The following LARP4 variants were observed in gnomAD, a reference collection of about 807,000 sequenced individuals.
LARP4 encodes the protein La ribonucleoprotein 4.
In LARP4, 29 loss-of-function variants were observed where a neutral mutation model predicts 92.9. That is an observed-to-expected ratio of 0.31 (90% CI 0.23 to 0.43). The LOEUF (loss-of-function observed/expected upper bound fraction) is 0.43, where lower values mean the gene tolerates loss of function less well. Ranked by LOEUF, LARP4 falls within the 20% of genes least tolerant of loss-of-function variation. The probability of loss-of-function intolerance (pLI) is 1.00; values close to 1 mark genes in which losing one functional copy is unlikely to be tolerated. For synonymous variants in LARP4, 279 were observed against 284.1 expected (o/e 0.98, Z 0.18); for missense variants, 732 against 860.0 (o/e 0.85, Z 1.86).
intron 4 of LARP4, among the ~76,000 whole-genome samples, chr12:50,434,023 A>G (rs2137303008): frequency 6.6e-6 from 1 of 152,304 alleles, no homozygotes; most frequent in South Asian, 2.1e-4. Context: ...TTATTGATTG[A>G]ACAGCAGCGA....
intron 1 of LARP4, among the ~76,000 whole-genome samples, chr12:50,426,613 C>T (rs1351426596): frequency 1.3e-5 from 2 of 151,156 alleles, no homozygotes; most frequent in Non-Finnish European, 2.9e-5. Context: ...ACTACTTCCA[C>T]CATTTCAAGG....
At chr12:50,437,889 G>A (rs1429965653) in intron 6 of LARP4, 51 bp downstream of exon 6, 1 of 1,255,166 alleles carries the variant, frequency 8.0e-7, no homozygotes, top group African/African-American at 1.5e-5. Flanking sequence ...TAAATTAAAA[G>A]AGGTTTCTTC....
chr12:50,427,130 A>G lies in LARP4; in HGVS notation c.19-632A>G, dbSNP rs183019562. Among the ~76,000 whole-genome samples the G allele has an allele frequency of 1.6e-3, 251 of 152,288 alleles. 2 individuals are homozygous for G. The highest frequency in any genetic ancestry group is 5.8e-3 in the African/African-American group (241 of 41,562). On this transcript the variant is annotated intron_variant, in intron 1 of 15. Transcript: ENST00000398473. ...CAGGACAGATGGAAAAAAATTTACA[A>G]TATAAAGCACATCACTGCTTTTATC...
At chr12:50,430,350 G>C (rs1267399656) in intron 3 of LARP4, 145 bp from the exon 4 acceptor site, 1 of 562,300 alleles carries the variant, frequency 1.8e-6, no homozygotes, top group Non-Finnish European at 3.2e-6. Flanking sequence ...GGCAACAAAG[G>C]GAGACCCTGT....
At chr12:50,403,049 A>G (rs914474759) in intron 1 of LARP4, among the ~76,000 whole-genome samples, 1 of 152,198 alleles carries the variant, frequency 6.6e-6, no homozygotes, top group Non-Finnish European at 1.5e-5. Flanking sequence ...ACCTCATGAT[A>G]GAGGAATTAT....
intron 4 of LARP4, among the ~76,000 whole-genome samples, chr12:50,434,986 T>C (rs189005611): frequency 1.3e-5 from 2 of 152,314 alleles, no homozygotes; most frequent in East Asian, 3.9e-4. Flanking sequence ...AGGCAGAGCT[T>C]GCAGTGAGTC....
At chr12:50,444,041 A>G (rs940690120) in intron 8 of LARP4, among the ~76,000 whole-genome samples, 2 of 152,222 alleles carry the variant, frequency 1.3e-5, no homozygotes, top group African/African-American at 4.8e-5. Context: ...AAACAATTTT[A>G]GAATATTTGT....
intron 5 of LARP4, among the ~76,000 whole-genome samples, chr12:50,437,505 T>A (rs887859960): frequency 1.8e-4 from 28 of 152,188 alleles, no homozygotes; most frequent in Admixed American, 2.6e-4. Context: ...CTCTGTTAAG[T>A]ACTCTGAATG....
At chr12:50,434,191 A>C (rs1407751227) in intron 4 of LARP4, among the ~76,000 whole-genome samples, 1 of 152,152 alleles carries the variant, frequency 6.6e-6, no homozygotes, top group East Asian at 1.9e-4. Flanking sequence ...TGATCAGAAC[A>C]GTACTCTTTG....
At chr12:50,440,922 C>T (rs184114298) in intron 7 of LARP4, among the ~76,000 whole-genome samples, 2,032 of 148,266 alleles carry the variant, frequency 0.014, 43 homozygotes, top group African/African-American at 0.044. Context: ...CTCACTCTGT[C>T]GCCCGGGCTG....
Position 50,443,467 on chromosome 12 carries a change from A to G in LARP4, c.804+1824A>G, listed in dbSNP as rs114708956. ...TAAATTTTTGGTAGAGTTGGGGTCT[A>G]TGTTGCCTAGGCTGGTCTCAAACTC... On this transcript the variant is annotated intron_variant, in intron 8 of 15. Transcript: ENST00000398473. Among the ~76,000 whole-genome samples the G allele has an allele frequency of 8.3e-3, 1,258 of 151,978 alleles. 15 individuals carry two copies. The highest frequency in any genetic ancestry group is 0.028 in the African/African-American group (1,173 of 41,436).
intron 15 of LARP4, 61 bp downstream of exon 15, chr12:50,474,228 T>C: frequency 1.5e-6 from 2 of 1,328,706 alleles, no homozygotes; most frequent in Non-Finnish European, 2.1e-6. Context: ...TTTTTTTTTT[T>C]TTCACGTAAC....
At chr12:50,459,851 G>A (rs1461222346) in intron 10 of LARP4, among the ~76,000 whole-genome samples, 1 of 140,510 alleles carries the variant, frequency 7.1e-6, no homozygotes, top group East Asian at 2.2e-4. Flanking sequence ...AAAAAAGGGT[G>A]TTATAGGCCA....
At chr12:50,462,370 C>T (rs1955521760) in intron 11 of LARP4, among the ~76,000 whole-genome samples, 1 of 151,896 alleles carries the variant, frequency 6.6e-6, no homozygotes, top group Non-Finnish European at 1.5e-5. Flanking sequence ...ATTCCAGCTA[C>T]TCAGCAGGCT....
Position 50,466,989 on chromosome 12 carries a change from G to A in LARP4, c.1414G>A (p.Ala472Thr). The A allele has an allele frequency of 1.9e-6, 3 of 1,611,950 alleles. No individual in the cohort carries two copies. Among genetic ancestry groups the A allele is most frequent in the African/African-American group, 1.3e-5 (1 of 74,964 alleles). ...TCATCCTTCAACAGCTGAATCAAAG[G>A]CTCCAACACCAAAGTTTGACTTATT... ...RPHPSTAESKAPTPKFDLLAS... is the reference protein window; with the variant it reads ...RPHPSTAESKTPTPKFDLLAS... The change falls in exon 13 of 16, where the codon GCT becomes ACT. Residue 472 changes from alanine to threonine, a missense_variant. Coordinates refer to ENST00000398473, the MANE Select transcript of LARP4 (RefSeq NM_052879.5).
chr12:50,473,716 A>AT (rs1379016826), intron 14 of LARP4, among the ~76,000 whole-genome samples, 180 bp downstream of exon 14: 1 of 148,472 alleles, frequency 6.7e-6, no homozygotes, highest in Non-Finnish European at 1.5e-5. Context: ...AAATACAAAA[A>AT]TTAGCTGGGC....
chr12:50,434,360 G>A (rs112490017), intron 4 of LARP4, among the ~76,000 whole-genome samples: 19 of 149,592 alleles, frequency 1.3e-4, no homozygotes, highest in African/African-American at 4.7e-4. Flanking sequence ...TTTTTTTAAT[G>A]TACCTTAAAG....
At chr12:50,417,882 C>T (rs936202096) in intron 1 of LARP4, among the ~76,000 whole-genome samples, 2 of 151,868 alleles carry the variant, frequency 1.3e-5, no homozygotes, top group Admixed American at 6.6e-5. Flanking sequence ...TGTTTTGAGA[C>T]GGAGTTTCAC....
Position 50,400,901 on chromosome 12 carries a change from G to C in LARP4, c.-110G>C. On this transcript the variant is annotated 5_prime_UTR_variant, in exon 1 of 16. Transcript: ENST00000398473. ...CAGGGGAGGAGCCGGGTCCACTGCC[G>C]GGTGGAGGGGCAAGGCGAGTGTGTG... The C allele has an allele frequency of 6.7e-7, 1 of 1,486,156 alleles. No homozygotes were observed. 92.1% of individuals were successfully genotyped at this position (1,486,156 alleles called of 1,614,324 possible). A position where few individuals can be genotyped will look rare whatever the true frequency, so the allele number is the denominator to read the frequency against.
Sources: gnomAD v4.1 joint callset for allele counts (sites outside exome capture counted in the v4.1 genomes callset) on GRCh38, gnomAD v4.1.1 for gene constraint, MANE v1.5 for transcripts, NCBI Gene and HGNC (gene_info 2026-07-23, HGNC 2026-07-21) for gene names.